The following ZNF512 variants were observed in gnomAD, a reference collection of about 807,000 sequenced individuals.
ZNF512 encodes the protein zinc finger protein 512.
Under a neutral mutation model 77.5 loss-of-function variants are expected in ZNF512, and 25 were observed. The observed-to-expected ratio is 0.32, with a 90% CI of 0.23 to 0.45. The LOEUF (loss-of-function observed/expected upper bound fraction) is 0.45. ZNF512 is among the 20% of genes least tolerant of loss of function. The probability of loss-of-function intolerance (pLI) is 1.00; values close to 1 mark genes in which losing one functional copy is unlikely to be tolerated. For synonymous variants in ZNF512, 246 were observed against 239.9 expected (o/e 1.03, Z -0.24); for missense variants, 483 against 692.6 (o/e 0.70, Z 3.40).
In ZNF512 at chr2:27,604,772, CT is replaced by C. The variant is rs1672282377; in HGVS notation, c.936+1466del. The stretch of plus-strand genomic sequence containing the variant: ...CCAGCCTGGGTGACAGAGTGAGACT[CT>C]GTCTCAAAACAAACAAAAAAAAGAT... On this transcript the variant is annotated intron_variant, in intron 9 of 13. Coordinates refer to ENST00000355467, the MANE Select transcript of ZNF512 (RefSeq NM_032434.4). Among the ~76,000 whole-genome samples, 3 of 152,288 alleles carry C rather than the reference CT, an allele frequency of 2.0e-5. No individual in the cohort carries two copies. In the South Asian group the frequency reaches 6.2e-4, roughly 32 times the overall value.
At chr2:27,619,941 A>C (rs954408940) in intron 13 of ZNF512, among the ~76,000 whole-genome samples, 1 of 152,162 alleles carries the variant, frequency 6.6e-6, no homozygotes, top group Non-Finnish European at 1.5e-5. Flanking sequence ...TTATTATTTA[A>C]ATTTCCCTGA....
At position 27,622,661 on chromosome 2, in the gene ZNF512, TGTC is replaced by T. The variant is rs1228582067; in HGVS notation, c.*1203_*1205del. On this transcript the variant is annotated 3_prime_UTR_variant, in exon 14 of 14. Coordinates refer to ENST00000355467, the MANE Select transcript of ZNF512 (RefSeq NM_032434.4). ...GGAACATTGGTTAGAGCAGCTTTGT[TGTC>T]GTGTTTCTGGATTCTCTTCCCCATT... 2 of 152,772 alleles carry T rather than the reference TGTC, an allele frequency of 1.3e-5. No individual in the cohort carries two copies. Among genetic ancestry groups the T allele is most frequent in the East Asian group, 1.9e-4 (1 of 5,340 alleles). 9.5% of individuals were successfully genotyped at this position (152,772 alleles called of 1,614,324 possible).
intron 5 of ZNF512, 22 bp from the exon 6 acceptor site, chr2:27,600,667 AGT>A (rs774155842): frequency 1.9e-5 from 30 of 1,605,580 alleles, no homozygotes; most frequent in Non-Finnish European, 2.4e-5. Context: ...CAGATTACAA[AGT>A]GTTTCTTTCT....
rs761318677 is a variant in ZNF512 at position 27,583,068 on chromosome 2, T to A, written c.-45T>A. The A allele has an allele frequency of 1.1e-5, 18 of 1,613,398 alleles. No individual in the cohort carries two copies. The South Asian group carries it at 2.0e-4, about 18-fold the overall frequency. On this transcript the variant is annotated 5_prime_UTR_variant, in exon 1 of 14. Coordinates refer to ENST00000355467, the MANE Select transcript of ZNF512 (RefSeq NM_032434.4). Reference sequence around the variant, plus strand: ...GAGGAGAGCGGAAGTGGCGTTGGTCTGGCCGGAGCCCTTGGGTGAAATTGT... The same window carrying A: ...GAGGAGAGCGGAAGTGGCGTTGGTCAGGCCGGAGCCCTTGGGTGAAATTGT...
intron 5 of ZNF512, 83 bp downstream of exon 5, chr2:27,600,136 A>G (rs1672052720): frequency 6.9e-7 from 1 of 1,455,462 alleles, no homozygotes. Flanking sequence ...GGAATGAGGT[A>G]CTAAAGCATT....
chr2:27,618,647 A>G (rs1672997720), intron 13 of ZNF512, among the ~76,000 whole-genome samples: 1 of 152,222 alleles, frequency 6.6e-6, no homozygotes, highest in Non-Finnish European at 1.5e-5. Flanking sequence ...ACAGTGGTAA[A>G]TTTGATTGTT....
chr2:27,594,778 G>A (rs1572910696), intron 2 of ZNF512, among the ~76,000 whole-genome samples: 1 of 152,210 alleles, frequency 6.6e-6, no homozygotes, highest in Non-Finnish European at 1.5e-5. Context: ...GCCAAGGCAG[G>A]CGGCTGGGAG....
At chr2:27,583,281 T>A (rs1671192578) in intron 1 of ZNF512, 139 bp downstream of exon 1, 1 of 1,376,286 alleles carries the variant, frequency 7.3e-7, no homozygotes, top group East Asian at 2.3e-5. Flanking sequence ...TCAGATCACC[T>A]GTCCCTTTTT....
At chr2:27,583,755 A>G (rs776831124) in intron 2 of ZNF512, 39 bp downstream of exon 2, 1 of 1,603,620 alleles carries the variant, frequency 6.2e-7, no homozygotes, top group South Asian at 1.1e-5. Context: ...TGATTGTGTC[A>G]CCAGCGCTGA....
intron 13 of ZNF512, among the ~76,000 whole-genome samples, chr2:27,618,258 T>C (rs779657853): frequency 1.3e-5 from 2 of 152,200 alleles, no homozygotes; most frequent in Non-Finnish European, 2.9e-5. Context: ...TTAAGTCAAA[T>C]GTTTGGGAAC....
At chr2:27,607,574 G>T (rs1672429143) in intron 9 of ZNF512, among the ~76,000 whole-genome samples, 1 of 152,232 alleles carries the variant, frequency 6.6e-6, no homozygotes, top group African/African-American at 2.4e-5. Flanking sequence ...CACCATGTTA[G>T]CCAGGCTGGT....
chr2:27,603,471 G>A (rs992162095), intron 9 of ZNF512, among the ~76,000 whole-genome samples, 164 bp downstream of exon 9: 1 of 151,564 alleles, frequency 6.6e-6, no homozygotes. Context: ...CCTTATTTCT[G>A]CCTTTTTAAC....
At chr2:27,586,733 C>T (rs949358948) in intron 2 of ZNF512, among the ~76,000 whole-genome samples, 3 of 152,194 alleles carry the variant, frequency 2.0e-5, no homozygotes, top group African/African-American at 7.2e-5. Context: ...ACATTTTCAT[C>T]TCTCTCAAAA....
chr2:27,617,261 G>A, intron 12 of ZNF512: 1 of 468,370 alleles, frequency 2.1e-6, no homozygotes. Flanking sequence ...AGTAGGGTGG[G>A]TGATTGGAAC....
At chr2:27,603,591 T>TGTGTGTGTGTGTGTGTGTG (rs772409987) in intron 9 of ZNF512, among the ~76,000 whole-genome samples, 21 of 87,218 alleles carry the variant, frequency 2.4e-4, no homozygotes, top group African/African-American at 3.5e-4. Context: ...TGTGTGTATA[T>TGTGTGTGTGTGTGTGTGTG]TTTTTTTTTT....
At chr2:27,603,564 T>G (rs910761853) in intron 9 of ZNF512, among the ~76,000 whole-genome samples, 5 of 104,488 alleles carry the variant, frequency 4.8e-5, no homozygotes, top group African/African-American at 2.0e-4. Flanking sequence ...ATCTTATATA[T>G]TTTTATATAG....
intron 5 of ZNF512, among the ~76,000 whole-genome samples, chr2:27,600,287 G>A (rs945364297): frequency 6.6e-6 from 1 of 152,140 alleles, no homozygotes; most frequent in African/African-American, 2.4e-5. Context: ...ATGAATAGGG[G>A]TAATAAAGGC....
chr2:27,595,303 C>CTTTT (rs1296299471), intron 2 of ZNF512, among the ~76,000 whole-genome samples: 4 of 134,082 alleles, frequency 3.0e-5, no homozygotes, highest in Admixed American at 7.4e-5. Context: ...CTTTTCTTTT[C>CTTTT]TTTTTTTTTT....
chr2:27,602,618 GTTC>G, intron 8 of ZNF512, 57 bp downstream of exon 8: 2 of 1,473,976 alleles, frequency 1.4e-6, no homozygotes, highest in Middle Eastern at 1.8e-4. Flanking sequence ...AATGTCTTTC[GTTC>G]TTCTTTCCAT....
Sources: allele counts gnomAD v4.1 joint callset (sites outside exome capture counted in the v4.1 genomes callset), GRCh38; gene constraint gnomAD v4.1.1; transcripts MANE v1.5; gene names NCBI Gene and HGNC (gene_info 2026-07-23, HGNC 2026-07-21).